USP10: variants seen among roughly 807,000 people sequenced by gnomAD.
The protein encoded by USP10 is ubiquitin specific peptidase 10, also known as ubiquitin carboxyl-terminal hydrolase 10.
A neutral mutation model predicts 84.5 loss-of-function variants in USP10; 22 were observed. The observed-to-expected ratio is 0.26, with a 90% CI of 0.19 to 0.37. The LOEUF (loss-of-function observed/expected upper bound fraction) is 0.37. USP10 is among the 10% of genes least tolerant of loss of function. The pLI is 1.00. For missense variants in USP10, 1,019 were observed against 998.9 expected (o/e 1.02, Z -0.27); for synonymous variants, 454 against 387.6 (o/e 1.17, Z -2.01).
intron 4 of USP10, among the ~76,000 whole-genome samples, chr16:84,757,396 GGTGGGGGT>G (rs1272701242): frequency 0.052 from 6,653 of 127,254 alleles, 265 homozygotes; most frequent in Admixed American, 0.16. Flanking sequence ...GAATGAGAGG[GGTGGGGGT>G]GTGTGTGTGT....
At chr16:84,744,508 A>G (rs1325030329) in intron 3 of USP10, 125 bp from the exon 4 acceptor site, 1 of 835,992 alleles carries the variant, frequency 1.2e-6, no homozygotes, top group East Asian at 2.7e-5. Flanking sequence ...TAAGTAAAGG[A>G]CGTAATAGAT....
At chr16:84,769,743 T>A (rs918268328) in intron 11 of USP10, among the ~76,000 whole-genome samples, 1 of 152,108 alleles carries the variant, frequency 6.6e-6, no homozygotes, top group Non-Finnish European at 1.5e-5. Flanking sequence ...AGCCTTTCCA[T>A]GGGCTGCCTA....
chr16:84,778,324 A>T (rs1232087646), intron 13 of USP10, among the ~76,000 whole-genome samples: 5 of 151,962 alleles, frequency 3.3e-5, no homozygotes, highest in Non-Finnish European at 2.9e-5. Context: ...AGGCCTAAGG[A>T]CCTTGTTTTC....
At chr16:84,775,449 A>T (rs1914906057) in intron 13 of USP10, among the ~76,000 whole-genome samples, 1 of 152,214 alleles carries the variant, frequency 6.6e-6, no homozygotes, top group African/African-American at 2.4e-5. Context: ...ACCTTGCTCA[A>T]AGCGAACATT....
chr16:84,720,966 T>G (rs1170848965), intron 1 of USP10, among the ~76,000 whole-genome samples: 1 of 149,278 alleles, frequency 6.7e-6, no homozygotes, highest in African/African-American at 2.5e-5. Context: ...CGATCTCAGC[T>G]CACGGCAACC....
chr16:84,772,769 T>C lies in USP10; in HGVS notation c.2143+84T>C. 2.6e-6 allele frequency: 4 copies of C among 1,527,136 alleles called. No homozygotes were observed. In the South Asian group the frequency reaches 4.8e-5, roughly 18 times the overall value. 94.6% of individuals were successfully genotyped at this position (1,527,136 alleles called of 1,614,324 possible). On this transcript the variant is annotated intron_variant, in intron 12 of 13. Transcript: ENST00000219473. ...TCAACCCTGTAGCATTTCTTTATGA[T>C]GTCAAGAGTGAGGACATTCTCTTGC...
At chr16:84,764,932 A>AGAGAGAGAGAG (rs1555548042) in intron 10 of USP10, among the ~76,000 whole-genome samples, 3,951 of 130,146 alleles carry the variant, frequency 0.03, 194 homozygotes, top group African/African-American at 0.11. Context: ...AGAGAGAGAG[A>AGAGAGAGAGAG]AAAAAAAATA....
intron 12 of USP10, among the ~76,000 whole-genome samples, chr16:84,773,581 C>A (rs1170045353): frequency 6.6e-6 from 1 of 152,220 alleles, no homozygotes; most frequent in African/African-American, 2.4e-5. Flanking sequence ...CACACAAGAG[C>A]TGTGCTTTCT....
intron 1 of USP10, among the ~76,000 whole-genome samples, 160 bp downstream of exon 1, chr16:84,700,271 C>G (rs1310538450): frequency 1.3e-5 from 2 of 151,378 alleles, no homozygotes; most frequent in Non-Finnish European, 3.0e-5. Context: ...CACCCGCCGC[C>G]TCCGCGCCCG....
chr16:84,715,693 A>G (rs375626977), intron 1 of USP10, among the ~76,000 whole-genome samples: 3 of 152,286 alleles, frequency 2.0e-5, no homozygotes, highest in South Asian at 2.1e-4. Context: ...GGCTTACACC[A>G]TAAACTAGAG....
At chr16:84,746,926 A>T (rs1911294175) in intron 4 of USP10, among the ~76,000 whole-genome samples, 1 of 152,178 alleles carries the variant, frequency 6.6e-6, no homozygotes, top group South Asian at 2.1e-4. Flanking sequence ...TTTTATTCTT[A>T]CTTTCCTATA....
At chr16:84,767,232 C>T (rs752810447) in intron 10 of USP10, among the ~76,000 whole-genome samples, 1 of 151,990 alleles carries the variant, frequency 6.6e-6, no homozygotes, top group Non-Finnish European at 1.5e-5. Flanking sequence ...GTCACCGAGA[C>T]TGCAGAAATA....
chr16:84,762,694 A>G (rs976677965), intron 8 of USP10, among the ~76,000 whole-genome samples: 65 of 152,126 alleles, frequency 4.3e-4, no homozygotes, highest in African/African-American at 1.5e-3. Context: ...TTGTCTCAAA[A>G]AAAAAAAAAA....
intron 6 of USP10, 118 bp from the exon 7 acceptor site, chr16:84,759,772 TG>T: frequency 9.5e-7 from 1 of 1,054,766 alleles, no homozygotes; most frequent in South Asian, 1.4e-5. Flanking sequence ...GTTACAGCAT[TG>T]GTTACCTAAA....
intron 1 of USP10, among the ~76,000 whole-genome samples, chr16:84,713,402 A>G (rs759094932): frequency 1.3e-4 from 20 of 151,590 alleles, no homozygotes; most frequent in Non-Finnish European, 2.6e-4. Context: ...CCTCCTTCAC[A>G]CTTGTCACCC....
intron 1 of USP10, among the ~76,000 whole-genome samples, chr16:84,701,992 C>T (rs1597251747): frequency 9.0e-6 from 1 of 111,502 alleles, no homozygotes; most frequent in Non-Finnish European, 1.8e-5. Flanking sequence ...GGCTGGAGTG[C>T]TGTGGTTATT....
intron 2 of USP10, among the ~76,000 whole-genome samples, chr16:84,739,806 A>T (rs1401280342): frequency 6.6e-6 from 1 of 152,248 alleles, no homozygotes; most frequent in Non-Finnish European, 1.5e-5. Flanking sequence ...AGGGAGCTGC[A>T]GTCACCAGGC....
chr16:84,742,264 A>G (rs1391017413), intron 3 of USP10, among the ~76,000 whole-genome samples: 1 of 152,180 alleles, frequency 6.6e-6, no homozygotes, highest in Non-Finnish European at 1.5e-5. Context: ...GCCCTTAGCA[A>G]TTCAGTGATC....
At chr16:84,761,021 A>T (rs1913143981) in intron 8 of USP10, among the ~76,000 whole-genome samples, 1 of 152,222 alleles carries the variant, frequency 6.6e-6, no homozygotes, top group Admixed American at 6.5e-5. Flanking sequence ...GCAGGATACC[A>T]CCAGGGGTAG....
Sources: gnomAD v4.1 joint callset for allele counts (sites outside exome capture counted in the v4.1 genomes callset) on GRCh38, gnomAD v4.1.1 for gene constraint, MANE v1.5 for transcripts, NCBI Gene and HGNC (gene_info 2026-07-23, HGNC 2026-07-21) for gene names.